Variants in RPGRIP1L observed in about 807,000 individuals in gnomAD.
RPGRIP1L encodes RPGRIP1 like, also known as protein fantom.
RPGRIP1L carries 131 observed loss-of-function variants against 160.4 expected under a neutral mutation model. That is an observed-to-expected ratio of 0.82 (90% CI 0.71 to 0.94). The LOEUF (loss-of-function observed/expected upper bound fraction) is 0.94, where lower values mean the gene tolerates loss of function less well. RPGRIP1L is among the 40% of genes least tolerant of loss of function. The pLI is 0.00. For missense variants in RPGRIP1L, 1,522 were observed against 1,535.8 expected (o/e 0.99, Z 0.15); for synonymous variants, 510 against 515.8 (o/e 0.99, Z 0.15).
At chr16:53,663,800 T>C (rs1193216449) in intron 10 of RPGRIP1L, among the ~76,000 whole-genome samples, 3 of 152,148 alleles carry the variant, frequency 2.0e-5, no homozygotes, top group East Asian at 3.8e-4. Context: ...CCATTGATTA[T>C]GTGTTCCAAT....
chr16:53,657,519 C>A lies in RPGRIP1L; in HGVS notation c.1515G>T (p.Thr505=). 4 of 1,612,560 alleles carry A rather than the reference C, an allele frequency of 2.5e-6. No homozygotes were observed. Among genetic ancestry groups the A allele is most frequent in the Non-Finnish European group, 3.4e-6 (4 of 1,179,042 alleles). Residue 505 remains threonine, a synonymous_variant, in exon 13 of 27, where the codon ACG becomes ACT. Transcript: ENST00000647211. The part of the protein sequence containing the change: ...MRELQATHAE[T]VQELEKTRNM... Reference sequence around the variant, plus strand: ...TTCTTGTCTTTTCCAGCTCTTGCACCGTTTCTGCATGAGTTGCTTGCAGCT... The same window carrying A: ...TTCTTGTCTTTTCCAGCTCTTGCACAGTTTCTGCATGAGTTGCTTGCAGCT...
chr16:53,691,822 T>G (rs1282750530), intron 4 of RPGRIP1L, among the ~76,000 whole-genome samples: 2 of 152,234 alleles, frequency 1.3e-5, no homozygotes, highest in African/African-American at 4.8e-5. Context: ...CTCATTTTAC[T>G]TAGTTTCACA....
chr16:53,673,121 C>A, intron 7 of RPGRIP1L, 105 bp from the exon 8 acceptor site: 1 of 1,127,792 alleles, frequency 8.9e-7, no homozygotes. Flanking sequence ...TGAATTTACT[C>A]CCGAAGTTCA....
At chr16:53,624,542 TAA>T (rs76712013) in intron 22 of RPGRIP1L, among the ~76,000 whole-genome samples, 7 of 140,608 alleles carry the variant, frequency 5.0e-5, no homozygotes, top group Admixed American at 7.1e-5. Context: ...AGACTCCACC[TAA>T]AAAAAAAAAA....
chr16:53,702,777 C>T (rs142805237), intron 1 of RPGRIP1L, among the ~76,000 whole-genome samples: 201 of 151,916 alleles, frequency 1.3e-3, no homozygotes, highest in African/African-American at 3.9e-3. Context: ...CTCAGCCTCC[C>T]GAGTAGCTGG....
At chr16:53,606,105 G>C (rs1367528425) in intron 25 of RPGRIP1L, among the ~76,000 whole-genome samples, 1 of 152,184 alleles carries the variant, frequency 6.6e-6, no homozygotes, top group Non-Finnish European at 1.5e-5. Context: ...CATGCTCCCA[G>C]GGTAACATTT....
intron 22 of RPGRIP1L, among the ~76,000 whole-genome samples, chr16:53,625,623 G>A (rs570769898): frequency 1.3e-5 from 2 of 152,260 alleles, no homozygotes; most frequent in Non-Finnish European, 2.9e-5. Flanking sequence ...CTGCCCAGCC[G>A]CCACCCCGTC....
intron 6 of RPGRIP1L, among the ~76,000 whole-genome samples, chr16:53,678,302 C>T (rs1969342693): frequency 6.6e-6 from 1 of 152,018 alleles, no homozygotes; most frequent in African/African-American, 2.4e-5. Context: ...AAGTTTCTCT[C>T]ATATAATTTG....
chr16:53,648,870 G>T, intron 16 of RPGRIP1L, 94 bp downstream of exon 16: 3 of 1,123,732 alleles, frequency 2.7e-6, no homozygotes, highest in South Asian at 1.3e-5. Context: ...ACACTTGATG[G>T]CTGTGAAAAT....
At chr16:53,683,430 C>T (rs1321950259) in intron 6 of RPGRIP1L, among the ~76,000 whole-genome samples, 3 of 152,048 alleles carry the variant, frequency 2.0e-5, no homozygotes, top group Non-Finnish European at 2.9e-5. Context: ...AGTTATTAGA[C>T]GATATCAAAG....
chr16:53,635,216 G>A (rs1299679986), intron 22 of RPGRIP1L, among the ~76,000 whole-genome samples: 2 of 152,146 alleles, frequency 1.3e-5, no homozygotes. Context: ...TAAGAGCAAT[G>A]TACAACTTCA....
At chr16:53,702,352 GGAT>G (rs1971491863) in intron 1 of RPGRIP1L, among the ~76,000 whole-genome samples, 1 of 152,168 alleles carries the variant, frequency 6.6e-6, no homozygotes. Context: ...TAGAGGCCAT[GGAT>G]GATGCTAAAT....
At chr16:53,648,825 G>A in intron 16 of RPGRIP1L, 139 bp downstream of exon 16, 1 of 760,794 alleles carries the variant, frequency 1.3e-6, no homozygotes, top group East Asian at 2.7e-5. Flanking sequence ...CTTCCTGTGA[G>A]TATATGATTA....
chr16:53,700,428 G>C (rs1484230270), intron 2 of RPGRIP1L, among the ~76,000 whole-genome samples: 1 of 152,180 alleles, frequency 6.6e-6, no homozygotes, highest in Non-Finnish European at 1.5e-5. Flanking sequence ...CAGAACAGAG[G>C]GGGGACTGTA....
chr16:53,664,366 C>T (rs369707205), intron 10 of RPGRIP1L, among the ~76,000 whole-genome samples: 19 of 152,282 alleles, frequency 1.2e-4, no homozygotes, highest in East Asian at 3.9e-4. Flanking sequence ...CTCTCAAAAA[C>T]GGCAAGCTAC....
chr16:53,632,581 T>A (rs1414897997), intron 22 of RPGRIP1L, among the ~76,000 whole-genome samples: 1 of 152,046 alleles, frequency 6.6e-6, no homozygotes, highest in East Asian at 1.9e-4. Context: ...GAATGGGTGA[T>A]CTTCTATCCC....
At chr16:53,669,309 AC>A (rs968491841) in intron 9 of RPGRIP1L, among the ~76,000 whole-genome samples, 3 of 152,144 alleles carry the variant, frequency 2.0e-5, no homozygotes, top group Non-Finnish European at 4.4e-5. Context: ...TGCTTATGTT[AC>A]ATTAATTTTT....
At chr16:53,641,140 C>CA in intron 18 of RPGRIP1L, 24 bp from the exon 19 acceptor site, 1 of 1,590,460 alleles carries the variant, frequency 6.3e-7, no homozygotes. Context: ...ACCAATGTGT[C>CA]AGACTGAGTA....
intron 14 of RPGRIP1L, among the ~76,000 whole-genome samples, chr16:53,655,208 T>C (rs1967144538): frequency 6.6e-6 from 1 of 152,214 alleles, no homozygotes; most frequent in African/African-American, 2.4e-5. Flanking sequence ...ATGTTAAAAA[T>C]TTAAAAAATT....
Sources: gnomAD v4.1 joint callset for allele counts (sites outside exome capture counted in the v4.1 genomes callset) on GRCh38, gnomAD v4.1.1 for gene constraint, MANE v1.5 for transcripts, NCBI Gene and HGNC (gene_info 2026-07-23, HGNC 2026-07-21) for gene names.